The following IFT52 variants were observed in gnomAD, a reference collection of about 807,000 sequenced individuals.
IFT52 encodes intraflagellar transport 52, also known as intraflagellar transport protein 52 homolog.
In IFT52, 44 loss-of-function variants were observed where a neutral mutation model predicts 54.4. The observed-to-expected ratio is 0.81, with a 90% confidence interval of 0.63 to 1.04. IFT52 has a LOEUF of 1.04. Among genes scored for constraint, IFT52 ranks in the 50% least tolerant of loss-of-function variants. The pLI, the probability that IFT52 is intolerant of heterozygous loss-of-function variation, is 0.00. For synonymous variants in IFT52, 181 were observed against 185.3 expected (o/e 0.98, Z 0.19); for missense variants, 452 against 523.6 (o/e 0.86, Z 1.33).
At chr20:43,642,979 C>T (rs1258632913) in intron 13 of IFT52, among the ~76,000 whole-genome samples, 1 of 151,528 alleles carries the variant, frequency 6.6e-6, no homozygotes, top group Admixed American at 6.6e-5. Context: ...CCAGCCTGAC[C>T]AACATGGTGA....
intron 6 of IFT52, among the ~76,000 whole-genome samples, chr20:43,609,204 T>C (rs777472345): frequency 4.6e-5 from 7 of 152,164 alleles, no homozygotes; most frequent in Non-Finnish European, 8.8e-5. Context: ...ATCATGCCAC[T>C]GTACTCCAGC....
chr20:43,620,707 T>C, intron 8 of IFT52, 150 bp from the exon 9 acceptor site: 1 of 590,332 alleles, frequency 1.7e-6, no homozygotes, highest in Non-Finnish European at 3.0e-6. Context: ...CTCATATGAT[T>C]GCATCAAGAC....
intron 10 of IFT52, among the ~76,000 whole-genome samples, chr20:43,630,672 TG>T (rs1175514069): frequency 6.6e-6 from 1 of 152,200 alleles, no homozygotes; most frequent in Non-Finnish European, 1.5e-5. Context: ...TTAGAGTTCA[TG>T]GTCTGATGGG....
At position 43,642,576 on chromosome 20, in the gene IFT52, C is replaced by G. The variant is rs758698679; in HGVS notation, c.1218C>G (p.Ile406Met). The G allele has an allele frequency of 1.2e-6, 2 of 1,614,158 alleles. No homozygotes were observed. Among genetic ancestry groups the G allele is most frequent in the Admixed American group, 1.7e-5 (1 of 60,008 alleles). Residue 406 changes from isoleucine to methionine, a missense_variant, in exon 13 of 14, where the codon ATC (isoleucine) becomes ATG (methionine). Physicochemically the swap from Ile to Met is conservative, Grantham distance 10. Coordinates refer to ENST00000373030, the MANE Select transcript of IFT52 (RefSeq NM_016004.5). ...LPKDQQDAKH[I>M]LEHVFFQVVE... Reference sequence around the variant, plus strand: ...AGGACCAACAGGATGCCAAACATATCCTTGAGCACGTCTTCTTCCAAGTGG... The same window carrying G: ...AGGACCAACAGGATGCCAAACATATGCTTGAGCACGTCTTCTTCCAAGTGG...
chr20:43,625,900 G>A (rs1017447091), intron 10 of IFT52, among the ~76,000 whole-genome samples: 7 of 151,550 alleles, frequency 4.6e-5, no homozygotes, highest in African/African-American at 1.5e-4. Context: ...TGAAGGGAGC[G>A]GTCACAGTAA....
intron 11 of IFT52, 52 bp from the exon 12 acceptor site, chr20:43,637,093 T>A (rs1985585727): frequency 8.0e-7 from 1 of 1,243,356 alleles, no homozygotes; most frequent in South Asian, 1.2e-5. Context: ...AGACTTTATT[T>A]CCTTTACCTT....
At chr20:43,596,255 T>G (rs73907861) in intron 2 of IFT52, among the ~76,000 whole-genome samples, 180 bp from the exon 3 acceptor site, 1,664 of 152,312 alleles carry the variant, frequency 0.011, 22 homozygotes, top group African/African-American at 0.03. Context: ...GCCAGATGAC[T>G]CTGGGGCAGG....
chr20:43,600,853 C>T (rs569632686), intron 3 of IFT52, among the ~76,000 whole-genome samples: 1 of 151,910 alleles, frequency 6.6e-6, no homozygotes, highest in Non-Finnish European at 1.5e-5. Flanking sequence ...CTCCTGTAGT[C>T]ACAACTACTC....
chr20:43,607,150 G>A (rs1313864698), intron 6 of IFT52, among the ~76,000 whole-genome samples: 3 of 152,016 alleles, frequency 2.0e-5, no homozygotes, highest in South Asian at 2.1e-4. Context: ...TCACTTCCCA[G>A]TAGGGGCAGC....
chr20:43,596,412 T>C, intron 2 of IFT52, 23 bp from the exon 3 acceptor site: 2 of 1,457,082 alleles, frequency 1.4e-6, no homozygotes, highest in Middle Eastern at 1.7e-4. Flanking sequence ...ACTTCATATT[T>C]GCTTTTAAAA....
rs1226726402 is a variant in IFT52 at position 43,639,236 on chromosome 20, C to CAAA, written c.1120+1998_1120+2000dup. Among the ~76,000 whole-genome samples the CAAA allele has an allele frequency of 5.2e-5, 7 of 133,396 alleles. 1 individual carries two copies. The highest frequency in any genetic ancestry group is 8.4e-5 in the African/African-American group (3 of 35,540). 87.5% of individuals were successfully genotyped at this position (133,396 alleles called of 152,430 possible). ...CTGGGTCACATAGACCCCATCTCTA[C>CAAA]AAAAAAAAAAAAAAAAATTGCCTGA... On this transcript the variant is annotated intron_variant, in intron 12 of 13. Transcript: ENST00000373030.
chr20:43,631,243 A>G (rs1025434186), intron 10 of IFT52, among the ~76,000 whole-genome samples: 2 of 152,180 alleles, frequency 1.3e-5, no homozygotes, highest in African/African-American at 4.8e-5. Flanking sequence ...CCACAGTTGT[A>G]TTGAGGATTA....
chr20:43,624,738 A>G (rs895132288), intron 10 of IFT52, among the ~76,000 whole-genome samples: 3 of 152,124 alleles, frequency 2.0e-5, no homozygotes, highest in South Asian at 2.1e-4. Flanking sequence ...GGAGGAGGAA[A>G]TGACACAGAA....
intron 9 of IFT52, 41 bp downstream of exon 9, chr20:43,620,966 G>T: frequency 7.0e-7 from 1 of 1,435,410 alleles, no homozygotes. Flanking sequence ...TGAAAAATGA[G>T]TCCAGCTTCT....
intron 10 of IFT52, among the ~76,000 whole-genome samples, chr20:43,630,835 C>A (rs753968936): frequency 6.6e-6 from 1 of 152,166 alleles, no homozygotes; most frequent in Non-Finnish European, 1.5e-5. Flanking sequence ...GTCCCTTACC[C>A]GGTTCCCATC....
rs768491380 is a variant in IFT52 at position 43,635,915 on chromosome 20, T to G, written c.924-11T>G. ...CTTGATCCCTGCTTTTTTGTTTGAT[T>G]ATGAACACAGGGCTCACGAGCAGCT... is the stretch of plus-strand genomic sequence containing the variant. On this transcript the variant is annotated splice_polypyrimidine_tract_variant and intron_variant, in intron 10 of 13. Transcript: ENST00000373030. The G allele has an allele frequency of 2.5e-6, 4 of 1,613,800 alleles. No homozygotes were observed. The highest frequency in any genetic ancestry group is 2.5e-6 in the Non-Finnish European group (3 of 1,179,684).
intron 3 of IFT52, among the ~76,000 whole-genome samples, chr20:43,596,810 C>T (rs563451735): frequency 3.8e-4 from 54 of 143,548 alleles, no homozygotes; most frequent in Middle Eastern, 3.8e-3. Flanking sequence ...GGCGCAATCT[C>T]GGCTCACTGC....
In IFT52 at chr20:43,637,734, T is replaced by C. The variant is rs551314237; in HGVS notation, c.1120+481T>C. On this transcript the variant is annotated intron_variant, in intron 12 of 13. Coordinates refer to ENST00000373030, the MANE Select transcript of IFT52 (RefSeq NM_016004.5). ...GTCATGTAAATAATGTTGGTTGTTC[T>C]TCTCGAGGCTATTTAGTTCAGTGAA... Among the ~76,000 whole-genome samples, 6 of 152,306 alleles carry C rather than the reference T, an allele frequency of 3.9e-5. No homozygotes were observed. In the East Asian group the frequency reaches 9.6e-4, roughly 24 times the overall value.
At chr20:43,616,147 A>T (rs922394817) in intron 7 of IFT52, among the ~76,000 whole-genome samples, 10 of 152,104 alleles carry the variant, frequency 6.6e-5, no homozygotes, top group African/African-American at 2.4e-4. Flanking sequence ...TGATGTAGCT[A>T]AAAAAACCGA....
Sources: gnomAD v4.1 joint callset for allele counts (sites outside exome capture counted in the v4.1 genomes callset) on GRCh38, gnomAD v4.1.1 for gene constraint, MANE v1.5 for transcripts, NCBI Gene and HGNC (gene_info 2026-07-23, HGNC 2026-07-21) for gene names.